The following PPP2R2B variants were observed in gnomAD, a reference collection of about 807,000 sequenced individuals.
PPP2R2B encodes serine/threonine-protein phosphatase 2A 55 kDa regulatory subunit B beta isoform.
In PPP2R2B, 5 loss-of-function variants were observed where a neutral mutation model predicts 46.0. The observed-to-expected ratio is 0.11, with a 90% CI of 0.06 to 0.23. The LOEUF (loss-of-function observed/expected upper bound fraction) is 0.23, where lower values mean the gene tolerates loss of function less well. PPP2R2B is among the 10% of genes least tolerant of loss of function. The probability of loss-of-function intolerance (pLI) is 1.00; values close to 1 mark genes in which losing one functional copy is unlikely to be tolerated. For synonymous variants in PPP2R2B, 215 were observed against 206.7 expected (o/e 1.04, Z -0.34); for missense variants, 367 against 575.0 (o/e 0.64, Z 3.70).
intron 1 of PPP2R2B, among the ~76,000 whole-genome samples, chr5:146,898,006 A>G (rs769919804): frequency 6.6e-6 from 1 of 152,132 alleles, no homozygotes; most frequent in Admixed American, 6.5e-5. Flanking sequence ...CCAGCATGGC[A>G]AAACCCCGTG....
At chr5:147,016,013 G>T (rs1267253403) in intron 1 of PPP2R2B, among the ~76,000 whole-genome samples, 1 of 151,428 alleles carries the variant, frequency 6.6e-6, no homozygotes, top group African/African-American at 2.4e-5. Context: ...GTAAATATGT[G>T]TTAAGAGAAT....
At chr5:146,777,610 T>C (rs1484654588) in intron 2 of PPP2R2B, among the ~76,000 whole-genome samples, 2 of 152,138 alleles carry the variant, frequency 1.3e-5, no homozygotes, top group Non-Finnish European at 1.5e-5. Flanking sequence ...GTTAAAATGG[T>C]AAATTTTATG....
chr5:146,753,244 A>G (rs898611391), intron 2 of PPP2R2B, among the ~76,000 whole-genome samples: 3 of 152,226 alleles, frequency 2.0e-5, no homozygotes, highest in South Asian at 4.1e-4. Context: ...GTTATTGTCC[A>G]TGAAATGCTT....
At chr5:146,698,298 GAA>G (rs779839513) in intron 3 of PPP2R2B, among the ~76,000 whole-genome samples, 154 bp from the exon 4 acceptor site, 15 of 14,494 alleles carry the variant, frequency 1.0e-3, no homozygotes, top group African/African-American at 4.2e-3. Flanking sequence ...TAGCACCTCT[GAA>G]AAAAAAAAAA....
intron 1 of PPP2R2B, among the ~76,000 whole-genome samples, chr5:147,042,342 G>A (rs549399751): frequency 7.2e-5 from 11 of 152,164 alleles, no homozygotes; most frequent in South Asian, 6.2e-4. Flanking sequence ...GACTCAATTC[G>A]TTTCCAAGTG....
intron 5 of PPP2R2B, among the ~76,000 whole-genome samples, chr5:146,667,915 C>T (rs1777106345): frequency 6.6e-6 from 1 of 152,188 alleles, no homozygotes; most frequent in African/African-American, 2.4e-5. Context: ...AGGAAACAAG[C>T]AGGCAGAGAA....
chr5:147,011,589 C>T lies in PPP2R2B; in HGVS notation c.79+44076G>A, dbSNP rs568063035. Among the ~76,000 whole-genome samples the T allele has an allele frequency of 5.0e-3, 761 of 151,690 alleles. 4 individuals are homozygous for T. The highest frequency in any genetic ancestry group is 0.017 in the African/African-American group (721 of 41,294). On this transcript the variant is annotated intron_variant, in intron 1 of 8. Coordinates refer to the PPP2R2B transcript ENST00000336640. ...TTTATTTCCTTCTCCTGCCTGATTG[C>T]CCTGGCCAGAACTTCCAACACTATG...
chr5:146,973,319 C>T (rs1029057604), intron 1 of PPP2R2B, among the ~76,000 whole-genome samples: 8 of 152,186 alleles, frequency 5.3e-5, no homozygotes, highest in Non-Finnish European at 8.8e-5. Context: ...TCCATAGAGA[C>T]AGATAAAGCA....
intron 2 of PPP2R2B, among the ~76,000 whole-genome samples, chr5:146,866,639 C>T (rs74573750): frequency 0.021 from 2,810 of 133,980 alleles, 93 homozygotes; most frequent in African/African-American, 0.07. Context: ...CATATATATA[C>T]ACACACATAT....
At chr5:146,913,724 A>G (rs959816240) in intron 1 of PPP2R2B, among the ~76,000 whole-genome samples, 1 of 152,346 alleles carries the variant, frequency 6.6e-6, no homozygotes, top group East Asian at 1.9e-4. Context: ...CTCTAATACC[A>G]TAAATATACA....
intron 1 of PPP2R2B, among the ~76,000 whole-genome samples, chr5:146,931,829 C>T (rs2151822439): frequency 6.6e-6 from 1 of 152,238 alleles, no homozygotes; most frequent in Non-Finnish European, 1.5e-5. Context: ...CTTCTTAATT[C>T]TCTTAACAAT....
intron 1 of PPP2R2B, among the ~76,000 whole-genome samples, chr5:146,951,731 G>T (rs1288651805): frequency 6.6e-6 from 1 of 152,050 alleles, no homozygotes; most frequent in South Asian, 2.1e-4. Flanking sequence ...TGGTATATAG[G>T]TACCACATTT....
chr5:146,897,350 G>C (rs1410440298), intron 1 of PPP2R2B, among the ~76,000 whole-genome samples: 2 of 152,186 alleles, frequency 1.3e-5, no homozygotes, highest in Middle Eastern at 3.2e-3. Flanking sequence ...ACCCTGGGTG[G>C]ATACAATAAA....
chr5:146,893,302 T>C (rs319184), intron 1 of PPP2R2B, among the ~76,000 whole-genome samples: 1 of 151,678 alleles, frequency 6.6e-6, no homozygotes, highest in African/African-American at 2.4e-5. Flanking sequence ...AGCTTTTATT[T>C]TGATGTAGAC....
chr5:146,590,046 A>C lies in PPP2R2B; in HGVS notation c.1233T>G (p.Phe411Leu). 6.2e-7 allele frequency: 1 copy of C among 1,614,168 alleles called. No individual in the cohort carries two copies. The highest frequency in any genetic ancestry group is 8.5e-7 in the Non-Finnish European group (1 of 1,180,028). Reference sequence around the variant, plus strand: ...AAGCTGTATGCAAGATCTTTTTGCTAAAGTCCAGACTGTCGACACTGATCT... The same window carrying C: ...AAGCTGTATGCAAGATCTTTTTGCTCAAGTCCAGACTGTCGACACTGATCT... ...KDEISVDSLDFSKKILHTAWH... is the reference protein window; with the variant it reads ...KDEISVDSLDLSKKILHTAWH... The change falls in exon 10 of 10, where the codon TTT (phenylalanine) becomes TTG (leucine). Residue 411 changes from phenylalanine (F) to leucine (L), a missense_variant. Around this residue, in one of 2 missense-constraint regions of PPP2R2B, gnomAD observed 361 missense variants for 545.5 expected, o/e 0.66. Coordinates refer to ENST00000394411, the MANE Select transcript of PPP2R2B (RefSeq NM_181675.4).
intron 5 of PPP2R2B, among the ~76,000 whole-genome samples, chr5:146,653,777 A>T (rs373420137): frequency 2.0e-4 from 30 of 152,228 alleles, no homozygotes; most frequent in African/African-American, 6.7e-4. Flanking sequence ...ATGATGTACT[A>T]CTTAATGGGG....
At chr5:146,891,514 A>G (rs1230867594) in intron 1 of PPP2R2B, among the ~76,000 whole-genome samples, 2 of 152,126 alleles carry the variant, frequency 1.3e-5, no homozygotes, top group East Asian at 1.9e-4. Context: ...AAGTTAACTC[A>G]AAGACATGGT....
intron 2 of PPP2R2B, among the ~76,000 whole-genome samples, chr5:146,774,917 C>T (rs536757288): frequency 6.6e-6 from 1 of 151,386 alleles, no homozygotes; most frequent in South Asian, 2.1e-4. Context: ...GAAACACAGA[C>T]ATTACCAAAA....
At chr5:146,669,049 G>C (rs1405430066) in intron 5 of PPP2R2B, among the ~76,000 whole-genome samples, 1 of 152,148 alleles carries the variant, frequency 6.6e-6, no homozygotes, top group East Asian at 1.9e-4. Context: ...AAAAAGAAGG[G>C]AAAACTAATC....
Sources: gnomAD v4.1 joint callset for allele counts (sites outside exome capture counted in the v4.1 genomes callset) on GRCh38, gnomAD v4.1.1 for gene constraint, gnomAD v4.1.1 regional missense constraint, MANE v1.5 for transcripts, NCBI Gene and HGNC (gene_info 2026-07-23, HGNC 2026-07-21) for gene names.